Variants in NLGN1 observed in about 807,000 individuals in gnomAD.
NLGN1 encodes the protein neuroligin-1.
Under a neutral mutation model 65.5 loss-of-function variants are expected in NLGN1, and 12 were observed. That is an observed-to-expected ratio of 0.18 (90% CI 0.12 to 0.30). The LOEUF (loss-of-function observed/expected upper bound fraction) is 0.30. NLGN1 is among the 10% of genes least tolerant of loss of function. The pLI, the probability that NLGN1 is intolerant of heterozygous loss-of-function variation, is 1.00. For synonymous variants in NLGN1, 350 were observed against 359.5 expected, an observed-to-expected ratio of 0.97 and a Z score of 0.30; for missense variants, 750 against 1,007.1, an observed-to-expected ratio of 0.74 and a Z score of 3.46.
At chr3:173,921,789 T>C (rs1742067496) in intron 4 of NLGN1, among the ~76,000 whole-genome samples, 1 of 152,126 alleles carries the variant, frequency 6.6e-6, no homozygotes, top group East Asian at 1.9e-4. Flanking sequence ...TTATCAGAAA[T>C]TGACATCATG....
intron 3 of NLGN1, among the ~76,000 whole-genome samples, chr3:173,625,006 T>G (rs1001494943): frequency 6.6e-6 from 1 of 152,074 alleles, no homozygotes; most frequent in African/African-American, 2.4e-5. Flanking sequence ...ATGTGGAGAA[T>G]GAGTGAGTGA....
chr3:173,539,725 CACATATATACATATATGTACATATATA>C (rs1738343141), intron 2 of NLGN1, among the ~76,000 whole-genome samples: 1 of 120,874 alleles, frequency 8.3e-6, no homozygotes, highest in Admixed American at 8.0e-5. Context: ...TGTACATATG[CACATATATACATATATGTACATATATA>C]ACATATACAT....
chr3:174,195,824 A>G (rs1249359023), intron 4 of NLGN1, among the ~76,000 whole-genome samples: 2 of 152,200 alleles, frequency 1.3e-5, no homozygotes, highest in Non-Finnish European at 2.9e-5. Flanking sequence ...GAAATTAAGT[A>G]TAATCAGAGG....
intron 4 of NLGN1, among the ~76,000 whole-genome samples, chr3:173,857,629 A>G (rs1332830498): frequency 6.6e-6 from 1 of 152,068 alleles, no homozygotes; most frequent in African/African-American, 2.4e-5. Context: ...TGGATTGCGA[A>G]AAGAGGGCTA....
downstream of NLGN1, among the ~76,000 whole-genome samples, chr3:174,290,562 G>T (rs533413995): frequency 6.6e-6 from 1 of 150,894 alleles, no homozygotes; most frequent in Non-Finnish European, 1.5e-5. Flanking sequence ...TAAAGAAAAC[G>T]AATAACAAGT....
chr3:173,437,880 A>G (rs898520472), intron 2 of NLGN1, among the ~76,000 whole-genome samples: 1 of 151,854 alleles, frequency 6.6e-6, no homozygotes, highest in Non-Finnish European at 1.5e-5. Flanking sequence ...TGCCTTCCCT[A>G]CTATCAGTCA....
chr3:174,041,660 T>G (rs1732338954), intron 4 of NLGN1, among the ~76,000 whole-genome samples: 1 of 152,186 alleles, frequency 6.6e-6, no homozygotes, highest in South Asian at 2.1e-4. Context: ...GAGTGGTATC[T>G]CATTGTGGTT....
chr3:173,402,343 T>C (rs1717848569), intron 1 of NLGN1, among the ~76,000 whole-genome samples: 1 of 152,178 alleles, frequency 6.6e-6, no homozygotes. Flanking sequence ...TTGATTGTAA[T>C]CTTTTTTCTT....
intron 4 of NLGN1, among the ~76,000 whole-genome samples, chr3:174,162,091 T>C (rs1262367584): frequency 6.6e-6 from 1 of 151,856 alleles, no homozygotes; most frequent in African/African-American, 2.4e-5. Flanking sequence ...AAACTAGTTT[T>C]GGACAATTTA....
intron 4 of NLGN1, among the ~76,000 whole-genome samples, chr3:173,825,637 A>G (rs930163903): frequency 1.3e-5 from 2 of 152,186 alleles, no homozygotes; most frequent in African/African-American, 4.8e-5. Flanking sequence ...CCTGATCTTT[A>G]TTTACATGGT....
At chr3:173,883,114 T>C (rs1474950280) in intron 4 of NLGN1, among the ~76,000 whole-genome samples, 1 of 150,256 alleles carries the variant, frequency 6.7e-6, no homozygotes, top group Non-Finnish European at 1.5e-5. Flanking sequence ...TTTCACCCTA[T>C]CTTGACTTTT....
In NLGN1 at chr3:173,512,578, T is replaced by C. The variant is rs141803894; in HGVS notation, c.-321+77500T>C. On this transcript the variant is annotated intron_variant, in intron 2 of 6. Transcript: ENST00000457714. Reference sequence around the variant, plus strand: ...CACAGGATGGGGACAAGGTGGGCCATAGGTAGTTTTCAAAAAGGAAACATT... The same window carrying C: ...CACAGGATGGGGACAAGGTGGGCCACAGGTAGTTTTCAAAAAGGAAACATT... Among the ~76,000 whole-genome samples the C allele has an allele frequency of 5.9e-3, 904 of 152,242 alleles. 11 individuals carry two copies. The highest frequency in any genetic ancestry group is 0.021 in the African/African-American group (880 of 41,548).
At chr3:173,820,226 A>C (rs1720003937) in intron 4 of NLGN1, among the ~76,000 whole-genome samples, 1 of 151,284 alleles carries the variant, frequency 6.6e-6, no homozygotes, top group Admixed American at 6.6e-5. Flanking sequence ...GCAATCCTTT[A>C]CCTCAATACC....
chr3:173,967,068 C>T (rs564825291), intron 4 of NLGN1, among the ~76,000 whole-genome samples: 14 of 152,260 alleles, frequency 9.2e-5, no homozygotes, highest in Admixed American at 2.0e-4. Context: ...AGCAGGATCC[C>T]AGGACATCGG....
intron 4 of NLGN1, among the ~76,000 whole-genome samples, chr3:174,081,430 A>G (rs1363741011): frequency 6.6e-6 from 1 of 152,070 alleles, no homozygotes; most frequent in Non-Finnish European, 1.5e-5. Flanking sequence ...CCTGTTACAT[A>G]TAAGGTGTCT....
chr3:174,242,835 A>C (rs989207229), intron 4 of NLGN1, among the ~76,000 whole-genome samples: 1 of 152,214 alleles, frequency 6.6e-6, no homozygotes, highest in Admixed American at 6.5e-5. Context: ...TGGCTTCCAC[A>C]AAACTGGTCC....
chr3:173,976,954 A>G (rs558856303), intron 4 of NLGN1, among the ~76,000 whole-genome samples: 1 of 152,146 alleles, frequency 6.6e-6, no homozygotes, highest in South Asian at 2.1e-4. Context: ...TCAGTCATTC[A>G]TTTTTCATTC....
chr3:173,694,749 T>C (rs74841107), intron 3 of NLGN1, among the ~76,000 whole-genome samples: 7,815 of 152,232 alleles, frequency 0.051, 486 homozygotes, highest in African/African-American at 0.13. Context: ...TATGCAATGG[T>C]CCTGATTGGA....
intron 4 of NLGN1, among the ~76,000 whole-genome samples, chr3:173,956,868 A>C (rs1204068989): frequency 6.6e-6 from 1 of 152,204 alleles, no homozygotes; most frequent in East Asian, 1.9e-4. Flanking sequence ...ACAGACTTCT[A>C]TAGAGATGGG....
Sources: gnomAD v4.1 joint callset for allele counts (sites outside exome capture counted in the v4.1 genomes callset) on GRCh38, gnomAD v4.1.1 for gene constraint, MANE v1.5 for transcripts, NCBI Gene and HGNC (gene_info 2026-07-23, HGNC 2026-07-21) for gene names.